MARCO: variants seen among roughly 807,000 people sequenced by gnomAD.
MARCO encodes the protein macrophage receptor with collagenous structure, also known as macrophage receptor MARCO.
A neutral mutation model predicts 70.0 loss-of-function variants in MARCO; 72 were observed. The observed-to-expected ratio is 1.03, with a 90% CI of 0.85 to 1.25. MARCO has a LOEUF of 1.25. Among genes scored for constraint, MARCO ranks in the 50% most tolerant of loss-of-function variants. The probability of loss-of-function intolerance (pLI) is 0.00; values close to 1 mark genes in which losing one functional copy is unlikely to be tolerated. For synonymous variants in MARCO, 273 were observed against 243.1 expected (o/e 1.12, Z -1.14); for missense variants, 696 against 659.3 (o/e 1.06, Z -0.61).
chr2:118,982,749 C>A (rs1274688150), intron 12 of MARCO, among the ~76,000 whole-genome samples: 2 of 152,170 alleles, frequency 1.3e-5, no homozygotes, highest in African/African-American at 4.8e-5. Context: ...TTCATTGGGG[C>A]CCCTAAGAGG....
At chr2:118,983,120 A>C (rs1261638652) in intron 12 of MARCO, among the ~76,000 whole-genome samples, 2 of 152,034 alleles carry the variant, frequency 1.3e-5, no homozygotes, top group African/African-American at 4.8e-5. Context: ...GCACACTCTG[A>C]TTGGGCATTT....
At chr2:118,962,776 A>G (rs1679974168) in intron 1 of MARCO, among the ~76,000 whole-genome samples, 1 of 152,138 alleles carries the variant, frequency 6.6e-6, no homozygotes, top group African/African-American at 2.4e-5. Flanking sequence ...ATTAAAATTT[A>G]GATTTATTTA....
At chr2:118,986,613 G>GAA (rs1193335106) in intron 12 of MARCO, among the ~76,000 whole-genome samples, 3 of 20,392 alleles carry the variant, frequency 1.5e-4, no homozygotes. Flanking sequence ...AAGAAAGAAA[G>GAA]AAAGAAAGAA....
chr2:118,947,245 G>T (rs1316378928), intron 1 of MARCO, among the ~76,000 whole-genome samples: 2 of 152,008 alleles, frequency 1.3e-5, no homozygotes, highest in African/African-American at 4.8e-5. Flanking sequence ...AGCCCTTGTT[G>T]GTGAAGATTT....
At chr2:118,968,445 C>A (rs761888343) in intron 1 of MARCO, among the ~76,000 whole-genome samples, 1 of 152,060 alleles carries the variant, frequency 6.6e-6, no homozygotes, top group Non-Finnish European at 1.5e-5. Context: ...ACTATGATAT[C>A]ATTTGTAAGA....
At chr2:118,959,649 G>T (rs1003923609) in intron 1 of MARCO, among the ~76,000 whole-genome samples, 1 of 152,142 alleles carries the variant, frequency 6.6e-6, no homozygotes, top group Non-Finnish European at 1.5e-5. Context: ...CTACCCAGAG[G>T]AAAAGAAGTC....
At chr2:118,988,398 C>T (rs770910717) in intron 12 of MARCO, among the ~76,000 whole-genome samples, 10 of 151,966 alleles carry the variant, frequency 6.6e-5, no homozygotes, top group Non-Finnish European at 1.3e-4. Context: ...GCCCCTTCTA[C>T]TTACCTGCAT....
At chr2:118,951,877 A>ATCTC (rs760021037) in intron 1 of MARCO, among the ~76,000 whole-genome samples, 2 of 139,778 alleles carry the variant, frequency 1.4e-5, no homozygotes, top group Admixed American at 1.4e-4. Context: ...CTGATTCTCC[A>ATCTC]TCTCTCTCTC....
chr2:118,977,831 C>T lies in MARCO; in HGVS notation c.662C>T (p.Thr221Ile). The change falls in exon 8 of 17, where the codon ACC becomes ATC. Residue 221 changes from threonine (T) to isoleucine (I), a missense_variant. Thr to Ile is a moderately conservative substitution (Grantham distance 89). Transcript: ENST00000327097. Reference protein sequence around the residue: ...GAPGKQGATGTPGPQGEKGSK... With the variant: ...GAPGKQGATGIPGPQGEKGSK... ...TCACCAGCCATTCTCTTTGCAGGCA[C>T]CCCAGGACCCCAAGGAGAGAAGGGC... 1 of 1,610,744 alleles carries T rather than the reference C, an allele frequency of 6.2e-7. No homozygotes were observed. Among genetic ancestry groups the T allele is most frequent in the Non-Finnish European group, 8.5e-7 (1 of 1,178,456 alleles).
intron 13 of MARCO, among the ~76,000 whole-genome samples, chr2:118,991,381 G>A (rs144570061): frequency 1.6e-4 from 25 of 151,536 alleles, no homozygotes; most frequent in African/African-American, 4.1e-4. Flanking sequence ...TCCCACCTTC[G>A]TCTCCCAAAG....
rs1467342377 is a variant in MARCO, at chr2:118,994,611, A to G, written c.*91A>G. The G allele has an allele frequency of 6.8e-6, 9 of 1,327,966 alleles. No homozygotes were observed. The highest frequency in any genetic ancestry group is 9.2e-6 in the Non-Finnish European group (9 of 978,170). The allele number at this position is 1,327,966 out of a possible 1,614,324, so 82.3% of individuals were successfully genotyped here. On this transcript the variant is annotated 3_prime_UTR_variant, in exon 17 of 17. Coordinates refer to ENST00000327097, the MANE Select transcript of MARCO (RefSeq NM_006770.4). Reference sequence around the variant, plus strand: ...ATCTCTGAGGAGTTCCCTGGGGACAACTGAGCAGCCTCTGGAGAGGGGCCA... The same window carrying G: ...ATCTCTGAGGAGTTCCCTGGGGACAGCTGAGCAGCCTCTGGAGAGGGGCCA...
At chr2:118,951,409 GC>G (rs1386667109) in intron 1 of MARCO, among the ~76,000 whole-genome samples, 3 of 152,214 alleles carry the variant, frequency 2.0e-5, no homozygotes, top group Non-Finnish European at 4.4e-5. Flanking sequence ...GAGTCAGTGA[GC>G]TACCTTTTAG....
chr2:118,977,142 C>T (rs895180084), intron 6 of MARCO, among the ~76,000 whole-genome samples: 1 of 152,136 alleles, frequency 6.6e-6, no homozygotes, highest in African/African-American at 2.4e-5. Context: ...CTTTGTGACC[C>T]AAACACCTCC....
In MARCO at chr2:118,970,099, T is replaced by C. The variant is rs369403010; in HGVS notation, c.200-15T>C. ...TGCCTCAGTCCCTAAAAGAATGCTGTGGGGTGGGGCCCAGTTCTGAATCTG... is the reference window on the plus strand; with the variant it reads ...TGCCTCAGTCCCTAAAAGAATGCTGCGGGGTGGGGCCCAGTTCTGAATCTG... On this transcript the variant is annotated splice_polypyrimidine_tract_variant and intron_variant, in intron 2 of 16. Transcript: ENST00000327097. The C allele has an allele frequency of 1.4e-5, 23 of 1,609,174 alleles. No homozygotes were observed. The highest frequency in any genetic ancestry group is 2.0e-5 in the Non-Finnish European group (23 of 1,176,030).
At chr2:118,980,990 T>C in intron 8 of MARCO, among the ~76,000 whole-genome samples, 1 of 152,162 alleles carries the variant, frequency 6.6e-6, no homozygotes, top group East Asian at 1.9e-4. Context: ...CTGCAGTGTT[T>C]TTCTCTCTAT....
In MARCO at chr2:118,981,458, T is replaced by C. The variant is rs753055995; in HGVS notation, c.816T>C (p.Pro272=). The stretch of plus-strand genomic sequence containing the variant: ...AAGGAGATGCAGGGGTCATGGGGCC[T>C]CCTGGAGCCCAGGGGAGTAAAGGTG... ...GMKGDAGVMG[P]PGAQGSKGDF... The change falls in exon 9 of 17, where the codon CCT becomes CCC. Residue 272 remains proline, a synonymous_variant. Coordinates refer to ENST00000327097, the MANE Select transcript of MARCO (RefSeq NM_006770.4). 2 of 1,596,170 alleles carry C rather than the reference T, an allele frequency of 1.3e-6. No homozygotes were observed. The highest frequency in any genetic ancestry group is 1.1e-5 in the South Asian group (1 of 87,202).
intron 13 of MARCO, among the ~76,000 whole-genome samples, chr2:118,991,264 T>TC (rs1206622628): frequency 8.6e-5 from 13 of 151,592 alleles, no homozygotes; most frequent in Admixed American, 8.5e-4. Flanking sequence ...TTTTTTTTTT[T>TC]TTCAATTTTT....
chr2:118,974,124 T>G (rs1680228477), intron 4 of MARCO, among the ~76,000 whole-genome samples: 1 of 152,232 alleles, frequency 6.6e-6, no homozygotes, highest in Non-Finnish European at 1.5e-5. Context: ...CACCTGCTCC[T>G]AGGACTGTGA....
intron 1 of MARCO, among the ~76,000 whole-genome samples, chr2:118,954,022 C>T (rs550761435): frequency 6.6e-6 from 1 of 152,316 alleles, no homozygotes; most frequent in East Asian, 1.9e-4. Context: ...AAAGGATTCT[C>T]TAGCTGAACT....
Sources: gnomAD v4.1 joint callset for allele counts (sites outside exome capture counted in the v4.1 genomes callset) on GRCh38, gnomAD v4.1.1 for gene constraint, MANE v1.5 for transcripts, NCBI Gene and HGNC (gene_info 2026-07-23, HGNC 2026-07-21) for gene names.